The following NBEA variants were observed in gnomAD, a reference collection of about 807,000 sequenced individuals.
The protein encoded by NBEA is lysosomal-trafficking regulator 2.
A neutral mutation model predicts 343.4 loss-of-function variants in NBEA; 44 were observed. That is an observed-to-expected ratio of 0.13 (90% CI 0.10 to 0.16). The LOEUF is 0.16. Ranked by LOEUF, NBEA falls within the 10% of genes least tolerant of loss-of-function variation. The pLI is 1.00. For missense variants in NBEA, 2,555 were observed against 3,631.3 expected (o/e 0.70, Z 7.62); for synonymous variants, 1,175 against 1,238.7 (o/e 0.95, Z 1.08).
intron 31 of NBEA, among the ~76,000 whole-genome samples, chr13:35,197,449 G>A (rs1031780856): frequency 6.6e-6 from 1 of 152,076 alleles, no homozygotes; most frequent in East Asian, 1.9e-4. Flanking sequence ...GACTGCTCTT[G>A]TTCTAAGTAA....
chr13:35,040,377 A>T, intron 1 of NBEA, among the ~76,000 whole-genome samples: 1 of 147,688 alleles, frequency 6.8e-6, no homozygotes, highest in East Asian at 2.0e-4. Flanking sequence ...TTTGTGCTTT[A>T]AAAAAAAAAG....
chr13:35,615,740 G>A (rs946076166), intron 48 of NBEA, among the ~76,000 whole-genome samples: 2 of 152,172 alleles, frequency 1.3e-5, no homozygotes, highest in Admixed American at 6.5e-5. Flanking sequence ...GTGGTGGCAG[G>A]CAAGAGGAGC....
intron 51 of NBEA, 48 bp from the exon 52 acceptor site, chr13:35,649,607 T>G (rs2084418205): frequency 6.7e-7 from 1 of 1,481,926 alleles, no homozygotes. Flanking sequence ...TCACTAACTA[T>G]GTTATTCCTT....
intron 35 of NBEA, among the ~76,000 whole-genome samples, chr13:35,302,577 A>G (rs2244882): frequency 0.2 from 29,982 of 152,140 alleles, 3,149 homozygotes; most frequent in African/African-American, 0.26. Context: ...GCCATATCAT[A>G]TTAATGGAGC....
chr13:35,475,256 A>G, intron 41 of NBEA: 1 of 1,613,964 alleles, frequency 6.2e-7, no homozygotes, highest in South Asian at 1.1e-5. Context: ...TCACCCAGGC[A>G]AGACTCGTCC....
At chr13:35,435,561 G>A (rs755444436) in intron 39 of NBEA, among the ~76,000 whole-genome samples, 19 of 152,028 alleles carry the variant, frequency 1.2e-4, no homozygotes, top group East Asian at 5.8e-4. Flanking sequence ...TGGGGGGGGC[G>A]TGTAGATGTT....
chr13:35,429,800 C>CGTGTGT (rs60362511), intron 38 of NBEA, among the ~76,000 whole-genome samples: 14,185 of 140,118 alleles, frequency 0.1, 739 homozygotes, highest in East Asian at 0.14. Flanking sequence ...GAGTCCCCAA[C>CGTGTGT]GTGTGTGTGT....
chr13:35,623,482 G>T (rs1167282390), intron 48 of NBEA, among the ~76,000 whole-genome samples: 1 of 151,914 alleles, frequency 6.6e-6, no homozygotes, highest in Admixed American at 6.6e-5. Context: ...ATAAAAAATC[G>T]ACAAGACTTT....
intron 1 of NBEA, among the ~76,000 whole-genome samples, chr13:34,963,337 T>A (rs1412595005): frequency 1.3e-5 from 2 of 152,016 alleles, no homozygotes; most frequent in East Asian, 3.9e-4. Flanking sequence ...TCTCCTGTTC[T>A]TATGTGAACA....
intron 34 of NBEA, among the ~76,000 whole-genome samples, chr13:35,269,766 G>A (rs1047845957): frequency 1.3e-5 from 2 of 152,078 alleles, no homozygotes; most frequent in Admixed American, 6.6e-5. Context: ...TGGATATAGA[G>A]GAAAAAGAAC....
chr13:35,387,665 A>C (rs2042305725), intron 38 of NBEA, among the ~76,000 whole-genome samples: 1 of 152,152 alleles, frequency 6.6e-6, no homozygotes, highest in Non-Finnish European at 1.5e-5. Context: ...TCATGCCTAC[A>C]TAGCCGACTT....
intron 36 of NBEA, among the ~76,000 whole-genome samples, chr13:35,337,531 A>G (rs992544365): frequency 6.6e-6 from 1 of 152,154 alleles, no homozygotes; most frequent in Non-Finnish European, 1.5e-5. Flanking sequence ...AAAGGGAGAA[A>G]TAAATAATTC....
At chr13:35,259,480 A>G (rs888475683) in intron 34 of NBEA, among the ~76,000 whole-genome samples, 2 of 152,182 alleles carry the variant, frequency 1.3e-5, no homozygotes, top group Non-Finnish European at 2.9e-5. Context: ...CACTTTAAAA[A>G]TATTTTACAG....
chr13:35,533,083 T>C (rs965150393), intron 41 of NBEA, among the ~76,000 whole-genome samples: 5 of 152,176 alleles, frequency 3.3e-5, no homozygotes, highest in African/African-American at 1.2e-4. Flanking sequence ...ATTTTCTTGA[T>C]ATGTTTTATT....
chr13:35,356,853 C>G (rs1443325089), intron 38 of NBEA, among the ~76,000 whole-genome samples: 4 of 152,118 alleles, frequency 2.6e-5, no homozygotes, highest in Non-Finnish European at 5.9e-5. Context: ...ATGATATACT[C>G]AGATAGGTCT....
intron 24 of NBEA, among the ~76,000 whole-genome samples, chr13:35,167,457 A>AT (rs2070125915): frequency 6.7e-6 from 1 of 149,450 alleles, no homozygotes; most frequent in Non-Finnish European, 1.5e-5. Flanking sequence ...GAACATATAT[A>AT]TATTGTTTAT....
At chr13:35,218,423 A>G (rs542119705) in intron 33 of NBEA, among the ~76,000 whole-genome samples, 16 of 152,058 alleles carry the variant, frequency 1.1e-4, no homozygotes, top group Non-Finnish European at 1.9e-4. Context: ...GTATATGTAT[A>G]TACATAATTC....
intron 34 of NBEA, among the ~76,000 whole-genome samples, chr13:35,239,974 C>G (rs568735272): frequency 6.6e-6 from 1 of 151,464 alleles, no homozygotes; most frequent in African/African-American, 2.4e-5. Context: ...TTCCTGTTGT[C>G]CCAAGATGGA....
intron 55 of NBEA, among the ~76,000 whole-genome samples, chr13:35,659,770 A>G (rs2084984651): frequency 6.6e-6 from 1 of 152,176 alleles, no homozygotes; most frequent in Non-Finnish European, 1.5e-5. Context: ...CGCGGCTTTG[A>G]ACGTATAAAT....
Sources: allele counts gnomAD v4.1 joint callset (sites outside exome capture counted in the v4.1 genomes callset), GRCh38; gene constraint gnomAD v4.1.1; transcripts MANE v1.5; gene names NCBI Gene and HGNC (gene_info 2026-07-23, HGNC 2026-07-21).